The following CCDC174 variants were observed in gnomAD, a reference collection of about 807,000 sequenced individuals.
The protein encoded by CCDC174 is coiled-coil domain-containing protein 174.
A neutral mutation model predicts 57.1 loss-of-function variants in CCDC174; 37 were observed. The ratio of observed to expected loss-of-function variants is 0.65; its 90% CI spans 0.50 to 0.85. The LOEUF is 0.85. Ranked by LOEUF, CCDC174 falls within the 40% of genes least tolerant of loss-of-function variation. CCDC174 has a pLI of 0.00. For missense variants in CCDC174, 540 were observed against 574.3 expected (o/e 0.94, Z 0.61); for synonymous variants, 182 against 190.2 (o/e 0.96, Z 0.35).
intron 7 of CCDC174, 25 bp from the exon 8 acceptor site, chr3:14,667,399 T>C: frequency 6.3e-7 from 1 of 1,581,400 alleles, no homozygotes; most frequent in Non-Finnish European, 8.7e-7. Flanking sequence ...AGTCTGATCT[T>C]TTGGGTAATT....
At position 14,668,160 on chromosome 3, in the gene CCDC174, G is replaced by A. The variant is rs749349710; in HGVS notation, c.931G>A (p.Gly311Arg). ...QKKMKKSKEG[G>R]TEEENRDGDV... ...AAAGATGAAAAAATCAAAAGAAGGT[G>A]GAACAGAAGAAGAAAATAGAGGTAT... The change falls in exon 9 of 11, where the codon GGA becomes AGA. Residue 311 changes from glycine to arginine, a missense_variant. Transcript: ENST00000383794. 24 of 1,610,158 alleles carry A rather than the reference G, an allele frequency of 1.5e-5. No individual in the cohort carries two copies. In the South Asian group the frequency reaches 2.4e-4, roughly 16 times the overall value.
intron 9 of CCDC174, 139 bp from the exon 10 acceptor site, chr3:14,669,795 T>G: frequency 1.4e-6 from 1 of 739,250 alleles, no homozygotes; most frequent in Non-Finnish European, 2.2e-6. Context: ...TACAAAAGAC[T>G]TAATCCACTG....
At chr3:14,654,195 G>A (rs533984176) in intron 1 of CCDC174, among the ~76,000 whole-genome samples, 1 of 152,318 alleles carries the variant, frequency 6.6e-6, no homozygotes, top group South Asian at 2.1e-4. Context: ...CTCGAGTGTT[G>A]AAAGTCAGAG....
At chr3:14,654,621 T>A in intron 2 of CCDC174, 91 bp downstream of exon 2, 1 of 605,244 alleles carries the variant, frequency 1.7e-6, no homozygotes, top group East Asian at 3.1e-5. Flanking sequence ...GTGGTATCTG[T>A]ACACATAAAT....
intron 5 of CCDC174, among the ~76,000 whole-genome samples, chr3:14,664,779 G>C (rs952778082): frequency 2.6e-5 from 4 of 152,212 alleles, no homozygotes; most frequent in African/African-American, 9.7e-5. Flanking sequence ...TTATCTGTGA[G>C]ATCAAAGGCA....
At position 14,666,571 on chromosome 3, in the gene CCDC174, C is replaced by T. The variant is rs563032615; in HGVS notation, c.582-234C>T. Among the ~76,000 whole-genome samples, 97 of 151,770 alleles carry T rather than the reference C, an allele frequency of 6.4e-4. 1 individual carries two copies. The highest frequency in any genetic ancestry group is 2.9e-3 in the Admixed American group (44 of 15,264). On this transcript the variant is annotated intron_variant, in intron 6 of 10. Coordinates refer to ENST00000383794, the MANE Select transcript of CCDC174 (RefSeq NM_016474.5). ...CTGGGAAGCCGAGGTTGCAGTGAGCCGAGATCGTGCCACTGCACTCCAGCC... is the reference window on the plus strand; with the variant it reads ...CTGGGAAGCCGAGGTTGCAGTGAGCTGAGATCGTGCCACTGCACTCCAGCC...
chr3:14,655,194 C>A (rs531284071), intron 2 of CCDC174, among the ~76,000 whole-genome samples: 37 of 152,214 alleles, frequency 2.4e-4, no homozygotes, highest in Non-Finnish European at 4.9e-4. Context: ...ACCTGTATTC[C>A]CAGCTACTTG....
intron 5 of CCDC174, among the ~76,000 whole-genome samples, chr3:14,663,478 A>G (rs1370772182): frequency 6.6e-6 from 1 of 152,232 alleles, no homozygotes; most frequent in African/African-American, 2.4e-5. Flanking sequence ...CAGTGTTGTT[A>G]ATAAGCGTTT....
In CCDC174 at chr3:14,667,494, A is replaced by G. The variant is rs1385693260; in HGVS notation, c.795A>G (p.Lys265=). Residue 265 remains lysine, a synonymous_variant, in exon 8 of 11, where the codon AAA becomes AAG. Transcript: ENST00000383794. ...RDKELRNKQM[K]TLEMLREQTT... is the part of the protein sequence containing the mutation. ...AAGAGTTGAGAAACAAGCAGATGAA[A>G]ACCTTAGAGATGCTGCGTGAACAGG... The G allele has an allele frequency of 5.0e-6, 8 of 1,613,734 alleles. No homozygotes were observed. The highest frequency in any genetic ancestry group is 5.9e-6 in the Non-Finnish European group (7 of 1,179,894).
rs1241686815 is a variant in CCDC174, at chr3:14,654,504, T to C, written c.121T>C (p.Phe41Leu). Residue 41 changes from phenylalanine to leucine, a missense_variant, in exon 2 of 11, where the codon TTT becomes CTT. Transcript: ENST00000383794. ...AAAACTTCTAAAAGATTCTGGAGTT[T>C]TTGGAAAACCAAAAACAACTAACAA... ...QEKLLKDSGV[F>L]GKPKTTNKKP... 1 of 1,593,008 alleles carries C rather than the reference T, an allele frequency of 6.3e-7. No individual in the cohort carries two copies. Among genetic ancestry groups the C allele is most frequent in the Non-Finnish European group, 8.6e-7 (1 of 1,164,718 alleles).
Position 14,668,065 on chromosome 3 carries a change from C to T in CCDC174, c.836C>T (p.Thr279Ile). The change falls in exon 9 of 11, where the codon ACA becomes ATA. Residue 279 changes from threonine (T) to isoleucine (I), a missense_variant. Thr to Ile is a moderately conservative substitution (Grantham distance 89). Coordinates refer to ENST00000383794, the MANE Select transcript of CCDC174 (RefSeq NM_016474.5). ...MLREQTTDQR[T>I]KRENIKEKRK... is the part of the protein sequence containing the mutation. ...TCTGTTCAGACAACAGATCAGAGAA[C>T]AAAACGAGAAAACATAAAGGAAAAG... 1 of 1,589,854 alleles carries T rather than the reference C, an allele frequency of 6.3e-7. No homozygotes were observed. The highest frequency in any genetic ancestry group is 8.5e-7 in the Non-Finnish European group (1 of 1,170,242).
chr3:14,668,684 CTA>C (rs3841943), intron 9 of CCDC174, among the ~76,000 whole-genome samples: 67,406 of 151,920 alleles, frequency 0.44, 16,656 homozygotes, highest in South Asian at 0.65. Flanking sequence ...CTGTTAAATG[CTA>C]TGTCAGACTA....
Position 14,654,407 on chromosome 3 carries a change from C to A in CCDC174, c.43-19C>A, listed in dbSNP as rs2030879129. 3.0e-6 allele frequency: 4 copies of A among 1,323,934 alleles called. No individual in the cohort carries two copies. Among genetic ancestry groups the A allele is most frequent in the Non-Finnish European group, 4.3e-6 (4 of 931,348 alleles). 82.0% of individuals were successfully genotyped at this position (1,323,934 alleles called of 1,614,324 possible). On this transcript the variant is annotated intron_variant, in intron 1 of 10. Transcript: ENST00000383794. The stretch of plus-strand genomic sequence containing the variant: ...TGCAGGAATTTAATATTTTTGTTTA[C>A]TTACTGCTTTCATTCTAGTTGGTAG...
chr3:14,670,177 G>A lies in CCDC174; in HGVS notation c.1105+91G>A, dbSNP rs1007246129. 3.7e-4 allele frequency: 466 copies of A among 1,264,416 alleles called. 2 individuals are homozygous for A. Among genetic ancestry groups the A allele is most frequent in the East Asian group, 1.5e-4 (6 of 39,624 alleles). 78.3% of individuals were successfully genotyped at this position (1,264,416 alleles called of 1,614,324 possible). ...AGCACTTGGGGTAAGTTTTAACTTCGTGCTGCCTTGTGTGGTTTTACAGCT... is the reference window on the plus strand; with the variant it reads ...AGCACTTGGGGTAAGTTTTAACTTCATGCTGCCTTGTGTGGTTTTACAGCT... On this transcript the variant is annotated intron_variant, in intron 10 of 10. Transcript: ENST00000383794.
intron 3 of CCDC174, among the ~76,000 whole-genome samples, chr3:14,658,359 A>G (rs1354196475): frequency 2.0e-5 from 3 of 152,258 alleles, no homozygotes; most frequent in African/African-American, 4.8e-5. Context: ...CAGATCATCC[A>G]CAAGAGAACT....
Position 14,651,792 on chromosome 3 carries a change from C to A in CCDC174, c.-45C>A. ...GGAGGTAGGCTTACGAGGCCTGTGTCGGGTAGAAAGGGTCCTTCCTGGACC... is the reference window on the plus strand; with the variant it reads ...GGAGGTAGGCTTACGAGGCCTGTGTAGGGTAGAAAGGGTCCTTCCTGGACC... On this transcript the variant is annotated 5_prime_UTR_variant, in exon 1 of 11. Coordinates refer to ENST00000383794, the MANE Select transcript of CCDC174 (RefSeq NM_016474.5). 1 of 1,606,908 alleles carries A rather than the reference C, an allele frequency of 6.2e-7. No individual in the cohort carries two copies.
chr3:14,663,293 C>T (rs2031213564), intron 5 of CCDC174, among the ~76,000 whole-genome samples: 1 of 152,230 alleles, frequency 6.6e-6, no homozygotes, highest in Admixed American at 6.5e-5. Context: ...AGGCGTGAGC[C>T]ACCACGCCTG....
intron 4 of CCDC174, among the ~76,000 whole-genome samples, chr3:14,661,327 T>A (rs1023717735): frequency 7.7e-6 from 1 of 130,370 alleles, no homozygotes; most frequent in Non-Finnish European, 1.8e-5. Flanking sequence ...TAGAAAACTT[T>A]AGGCTTTTTC....
At chr3:14,657,036 A>T (rs2030981277) in intron 3 of CCDC174, among the ~76,000 whole-genome samples, 1 of 152,184 alleles carries the variant, frequency 6.6e-6, no homozygotes, top group Non-Finnish European at 1.5e-5. Flanking sequence ...TTACTTAAAG[A>T]TATGATCAGT....
Sources: allele counts gnomAD v4.1 joint callset (sites outside exome capture counted in the v4.1 genomes callset), GRCh38; gene constraint gnomAD v4.1.1; transcripts MANE v1.5; gene names NCBI Gene and HGNC (gene_info 2026-07-23, HGNC 2026-07-21).